Variants in ADAMTS7 observed in about 807,000 individuals in gnomAD.
ADAMTS7 encodes the protein ADAM metallopeptidase with thrombospondin type 1 motif 7, also known as A disintegrin and metalloproteinase with thrombospondin motifs 7.
ADAMTS7 carries 89 observed loss-of-function variants against 172.6 expected under a neutral mutation model. The ratio of observed to expected loss-of-function variants is 0.52; its 90% CI spans 0.43 to 0.61. ADAMTS7 has a LOEUF of 0.61. Ranked by LOEUF, ADAMTS7 falls within the 20% of genes least tolerant of loss-of-function variation. The pLI is 0.00. For missense variants in ADAMTS7, 1,973 were observed against 2,355.6 expected (o/e 0.84, Z 3.36); for synonymous variants, 885 against 978.4 (o/e 0.90, Z 1.78).
At chr15:78,772,988 G>A (rs2055276006) in intron 14 of ADAMTS7, 95 bp downstream of exon 14, 3 of 1,432,366 alleles carry the variant, frequency 2.1e-6, no homozygotes, top group East Asian at 2.5e-5. Flanking sequence ...AGGCTGGGTG[G>A]GGGCCACGAG....
At chr15:78,773,760 C>T (rs1269231026) in intron 13 of ADAMTS7, among the ~76,000 whole-genome samples, 2 of 152,198 alleles carry the variant, frequency 1.3e-5, no homozygotes, top group African/African-American at 4.8e-5. Context: ...CTCTGTGTCA[C>T]CTATGCCACC....
At chr15:78,760,711 A>G (rs2055029572) in intron 23 of ADAMTS7, among the ~76,000 whole-genome samples, 1 of 152,196 alleles carries the variant, frequency 6.6e-6, no homozygotes, top group Non-Finnish European at 1.5e-5. Flanking sequence ...ACAGACCAGC[A>G]GAACATCTGG....
rs1208158159 is a variant in ADAMTS7, at chr15:78,774,608, G to C, written c.1876+16C>G. 1.2e-6 allele frequency: 2 copies of C among 1,611,362 alleles called. No homozygotes were observed. Among genetic ancestry groups the C allele is most frequent in the Non-Finnish European group, 1.7e-6 (2 of 1,179,642 alleles). ...GCCCTCTAAGCCTCAATGTCTCCATGGGGGGCAGCACTCACCGTCATTGAC... is the reference window on the plus strand; with the variant it reads ...GCCCTCTAAGCCTCAATGTCTCCATCGGGGGCAGCACTCACCGTCATTGAC... On this transcript the variant is annotated intron_variant, in intron 12 of 23. Coordinates refer to ENST00000388820, the MANE Select transcript of ADAMTS7 (RefSeq NM_014272.5).
chr15:78,784,631 A>G (rs1326084693), intron 8 of ADAMTS7, among the ~76,000 whole-genome samples: 2 of 152,168 alleles, frequency 1.3e-5, no homozygotes, highest in African/African-American at 4.8e-5. Flanking sequence ...TGCTCCCTCA[A>G]ATTAAAATAG....
At chr15:78,761,830 C>G (rs908695962) in intron 23 of ADAMTS7, 1 of 985,212 alleles carries the variant, frequency 1.0e-6, no homozygotes, top group Non-Finnish European at 1.2e-6. Context: ...GCCCTTCCAC[C>G]AGGACCCAGC....
chr15:78,791,089 T>C (rs746905519), intron 5 of ADAMTS7, 51 bp downstream of exon 5: 1 of 1,577,032 alleles, frequency 6.3e-7, no homozygotes, highest in Non-Finnish European at 8.7e-7. Flanking sequence ...GCAGGAGGGC[T>C]CTGGCAGCCG....
At position 78,767,460 on chromosome 15, in the gene ADAMTS7, G is replaced by T. The variant is rs369440175; in HGVS notation, c.2778C>A (p.His926Gln). 8 of 1,611,692 alleles carry T rather than the reference G, an allele frequency of 5.0e-6. No homozygotes were observed. In the African/African-American group the frequency reaches 9.3e-5, roughly 19 times the overall value. The change falls in exon 18 of 24, where the codon CAC becomes CAA. Residue 926 changes from histidine to glutamine, a missense_variant. Coordinates refer to ENST00000388820, the MANE Select transcript of ADAMTS7 (RefSeq NM_014272.5). Reference protein sequence around the residue: ...QSALEPPACEHLPRPPTETPC... With the variant: ...QSALEPPACEQLPRPPTETPC... ...GGGTTTCAGTAGGGGGCCGGGGAAG[G>T]TGTTCACAGGCGGGTGGCTCCAGGG...
chr15:78,793,070 C>T (rs929443981), intron 4 of ADAMTS7, among the ~76,000 whole-genome samples: 6 of 152,152 alleles, frequency 3.9e-5, no homozygotes, highest in South Asian at 2.1e-4. Flanking sequence ...CAACCTCAAT[C>T]GAGCTTAACA....
At chr15:78,778,520 G>A (rs1415264855) in intron 8 of ADAMTS7, among the ~76,000 whole-genome samples, 1 of 152,230 alleles carries the variant, frequency 6.6e-6, no homozygotes, top group African/African-American at 2.4e-5. Context: ...ATGGCTCATT[G>A]CTGTCCTGGA....
chr15:78,761,771 C>T (rs1347345568), intron 23 of ADAMTS7: 1 of 875,956 alleles, frequency 1.1e-6, no homozygotes, highest in Non-Finnish European at 1.4e-6. Flanking sequence ...CGCGCACGCA[C>T]ACATGCTGGA....
chr15:78,796,898 T>C (rs1437897470), intron 3 of ADAMTS7, 112 bp from the exon 4 acceptor site: 23 of 1,029,580 alleles, frequency 2.2e-5, no homozygotes, highest in Non-Finnish European at 3.2e-5. Context: ...CACACAGGGA[T>C]CAGAGGCCAG....
intron 19 of ADAMTS7, 143 bp from the exon 20 acceptor site, chr15:78,764,850 G>C: frequency 1.1e-6 from 1 of 885,872 alleles, no homozygotes; most frequent in Admixed American, 3.5e-5. Flanking sequence ...TTGCAAAATA[G>C]GCTCCTTCAC....
intron 8 of ADAMTS7, among the ~76,000 whole-genome samples, chr15:78,781,864 C>T (rs540821331): frequency 5.9e-5 from 9 of 152,304 alleles, no homozygotes; most frequent in Middle Eastern, 6.8e-3. Flanking sequence ...AATGAGTGTG[C>T]GTGAAATGCT....
chr15:78,790,566 T>A, intron 6 of ADAMTS7, 104 bp downstream of exon 6: 1 of 1,490,422 alleles, frequency 6.7e-7, no homozygotes, highest in Non-Finnish European at 9.0e-7. Context: ...TCCTCAAAAT[T>A]GGGCTCCCTG....
At chr15:78,794,778 C>A (rs1567235173) in intron 4 of ADAMTS7, among the ~76,000 whole-genome samples, 1 of 152,148 alleles carries the variant, frequency 6.6e-6, no homozygotes, top group South Asian at 2.1e-4. Context: ...AGTGCAGTGG[C>A]ACGATCTCAG....
chr15:78,792,847 G>C (rs1457178110), intron 4 of ADAMTS7, among the ~76,000 whole-genome samples: 1 of 152,068 alleles, frequency 6.6e-6, no homozygotes, highest in East Asian at 1.9e-4. Flanking sequence ...GAGAAAGAGA[G>C]AGAGAGAAAG....
intron 23 of ADAMTS7, among the ~76,000 whole-genome samples, chr15:78,761,648 G>A (rs1289250827): frequency 6.6e-6 from 1 of 152,354 alleles, no homozygotes; most frequent in African/African-American, 2.4e-5. Flanking sequence ...GGGAGCCTAG[G>A]TGACACTCCA....
intron 1 of ADAMTS7, chr15:78,810,888 G>C (rs932844945): frequency 2.0e-5 from 8 of 391,288 alleles, no homozygotes; most frequent in Non-Finnish European, 3.5e-5. Context: ...GCGACAGGCA[G>C]TGTCAGTAAC....
At chr15:78,787,987 T>A (rs1205084605) in intron 8 of ADAMTS7, among the ~76,000 whole-genome samples, 1 of 152,158 alleles carries the variant, frequency 6.6e-6, no homozygotes, top group African/African-American at 2.4e-5. Flanking sequence ...AGTTCAAGCC[T>A]CCTTCCAGGA....
Sources: allele counts gnomAD v4.1 joint callset (sites outside exome capture counted in the v4.1 genomes callset), GRCh38; gene constraint gnomAD v4.1.1; transcripts MANE v1.5; gene names NCBI Gene and HGNC (gene_info 2026-07-23, HGNC 2026-07-21).